Variants in PCYOX1 observed in about 807,000 individuals in gnomAD.
PCYOX1 encodes prenylcysteine lyase.
A neutral mutation model predicts 46.4 loss-of-function variants in PCYOX1; 46 were observed. The ratio of observed to expected loss-of-function variants is 0.99; its 90% CI spans 0.78 to 1.27. The LOEUF (loss-of-function observed/expected upper bound fraction) is 1.27, where lower values mean the gene tolerates loss of function less well. PCYOX1 is among the 50% of genes most tolerant of loss of function. PCYOX1 has a pLI of 0.00. For missense variants in PCYOX1, 658 were observed against 628.3 expected, an observed-to-expected ratio of 1.05 and a Z score of -0.51; for synonymous variants, 220 against 231.8, an observed-to-expected ratio of 0.95 and a Z score of 0.46.
intron 1 of PCYOX1, 132 bp from the exon 2 acceptor site, chr2:70,259,228 A>G (rs1696394207): frequency 3.9e-6 from 3 of 766,164 alleles, no homozygotes; most frequent in Non-Finnish European, 6.7e-6. Context: ...TGCAGGTGTC[A>G]CTCTTCCCCC....
intron 3 of PCYOX1, among the ~76,000 whole-genome samples, chr2:70,266,461 C>CT (rs1282041068): frequency 4.9e-4 from 71 of 146,288 alleles, no homozygotes; most frequent in South Asian, 8.7e-4. Flanking sequence ...AAGATTATAA[C>CT]TTTTTTTTTT....
chr2:70,275,532 G>C lies in PCYOX1; in HGVS notation c.725G>C (p.Cys242Ser). 1 of 1,614,146 alleles carries C rather than the reference G, an allele frequency of 6.2e-7. No homozygotes were observed. The highest frequency in any genetic ancestry group is 1.3e-5 in the African/African-American group (1 of 75,036). Residue 242 changes from cysteine to serine, a missense_variant, in exon 5 of 6, where the codon TGT becomes TCT. Physicochemically the swap from Cys to Ser is moderately radical, Grantham distance 112. Coordinates refer to ENST00000433351, the MANE Select transcript of PCYOX1 (RefSeq NM_016297.4). ...TTGACAGGGGCGGTGTCACTGTCCT[G>C]TTCTGATTCTGGCCTTTGGGCAGTA... ...NAFVGAVSLSCSDSGLWAVEG... is the reference protein window; with the variant it reads ...NAFVGAVSLSSSDSGLWAVEG...
Position 70,277,570 on chromosome 2 carries a change from A to G in PCYOX1, c.*178A>G. Reference sequence around the variant, plus strand: ...TCTAATTAAGTGTGAAGGTATAGCTATTGCACTTATGCCATCTCCAAAATT... The same window carrying G: ...TCTAATTAAGTGTGAAGGTATAGCTGTTGCACTTATGCCATCTCCAAAATT... On this transcript the variant is annotated 3_prime_UTR_variant, in exon 6 of 6. Coordinates refer to ENST00000433351, the MANE Select transcript of PCYOX1 (RefSeq NM_016297.4). The G allele has an allele frequency of 1.8e-6, 1 of 549,506 alleles. No homozygotes were observed. Among genetic ancestry groups the G allele is most frequent in the Non-Finnish European group, 3.2e-6 (1 of 313,418 alleles). The allele number at this position is 549,506 out of a possible 1,614,324, so 34.0% of individuals were successfully genotyped here. A position where few individuals can be genotyped will look rare whatever the true frequency, so the allele number is the denominator to read the frequency against.
intron 3 of PCYOX1, among the ~76,000 whole-genome samples, chr2:70,268,044 C>T (rs918488771): frequency 4.6e-5 from 7 of 151,902 alleles, no homozygotes; most frequent in East Asian, 3.9e-4. Context: ...CTCCTGACCT[C>T]GTGATCCACC....
intron 2 of PCYOX1, among the ~76,000 whole-genome samples, chr2:70,260,371 C>A (rs938552124): frequency 6.6e-6 from 1 of 152,166 alleles, no homozygotes; most frequent in Non-Finnish European, 1.5e-5. Flanking sequence ...TAGTGAGATC[C>A]TGTCTTTACT....
At chr2:70,260,982 A>G (rs1696427516) in intron 2 of PCYOX1, among the ~76,000 whole-genome samples, 1 of 152,204 alleles carries the variant, frequency 6.6e-6, no homozygotes, top group Admixed American at 6.5e-5. Flanking sequence ...GCCAGGTAAA[A>G]ATATATCTAC....
intron 3 of PCYOX1, among the ~76,000 whole-genome samples, chr2:70,266,274 G>T (rs1001488723): frequency 3.7e-4 from 56 of 152,144 alleles, no homozygotes; most frequent in African/African-American, 1.3e-3. Flanking sequence ...ATGATGGAAG[G>T]AAGAGATTGG....
chr2:70,272,069 C>T (rs1333917591), intron 3 of PCYOX1, among the ~76,000 whole-genome samples: 1 of 151,840 alleles, frequency 6.6e-6, no homozygotes, highest in Non-Finnish European at 1.5e-5. Context: ...TTTTTCCAAC[C>T]TCCTGTGGAT....
In PCYOX1 at chr2:70,278,230, A is replaced by G. The variant is rs1226062911; in HGVS notation, c.*838A>G. On this transcript the variant is annotated 3_prime_UTR_variant, in exon 6 of 6. Coordinates refer to ENST00000433351, the MANE Select transcript of PCYOX1 (RefSeq NM_016297.4). ...TAAATCCTCACTTCAGGAGCTTTTA[A>G]AAATACTGAGACCCCCCCATAACCA... 6.6e-6 allele frequency: 1 copy of G among 152,650 alleles called. No homozygotes were observed. Among genetic ancestry groups the G allele is most frequent in the Non-Finnish European group, 1.5e-5 (1 of 68,048 alleles). The allele number at this position is 152,650 out of a possible 1,614,324, so 9.5% of individuals were successfully genotyped here. A position where few individuals can be genotyped will look rare whatever the true frequency, so the allele number is the denominator to read the frequency against.
rs528046206 is a variant in PCYOX1 at position 70,269,185 on chromosome 2, T to A, written c.495-5774T>A. 1.6e-4 allele frequency among the ~76,000 whole-genome samples: 25 copies of A among 151,638 alleles called. No individual in the cohort carries two copies. The South Asian group carries it at 2.1e-3, about 13-fold the overall frequency. On this transcript the variant is annotated intron_variant, in intron 3 of 5. Coordinates refer to ENST00000433351, the MANE Select transcript of PCYOX1 (RefSeq NM_016297.4). ...TTCAAGGATCTGTGTGTCTGTTTTT[T>A]TTTTTTTTTCAGATGATGTTTTACT...
In PCYOX1 at chr2:70,266,940, G is replaced by A. The variant is rs561122925; in HGVS notation, c.494+5554G>A. On this transcript the variant is annotated intron_variant, in intron 3 of 5. Coordinates refer to ENST00000433351, the MANE Select transcript of PCYOX1 (RefSeq NM_016297.4). ...TCCCCCACTTCTATTCGACAAAACT[G>A]CCATCGTCATCATGGCCCGTTCTCA... 6.6e-3 allele frequency among the ~76,000 whole-genome samples: 998 copies of A among 152,196 alleles called. 11 individuals are homozygous for A. Among genetic ancestry groups the A allele is most frequent in the African/African-American group, 0.023 (953 of 41,528 alleles).
chr2:70,271,154 A>G (rs1696595412), intron 3 of PCYOX1, among the ~76,000 whole-genome samples: 2 of 152,022 alleles, frequency 1.3e-5, no homozygotes, highest in African/African-American at 4.8e-5. Context: ...TGCAGCCTCA[A>G]CCAGCGGGGC....
intron 3 of PCYOX1, among the ~76,000 whole-genome samples, chr2:70,269,179 GT>G (rs200396144): frequency 1.5e-3 from 194 of 128,246 alleles, no homozygotes; most frequent in African/African-American, 3.9e-3. Flanking sequence ...CTGTGTGTCT[GT>G]TTTTTTTTTT....
chr2:70,261,150 T>G, intron 2 of PCYOX1, 62 bp from the exon 3 acceptor site: 1 of 1,082,448 alleles, frequency 9.2e-7, no homozygotes, highest in Non-Finnish European at 1.4e-6. Context: ...TCACTCAGAT[T>G]ACGTTCTTTC....
At chr2:70,265,526 T>C (rs1294815053) in intron 3 of PCYOX1, among the ~76,000 whole-genome samples, 1 of 152,152 alleles carries the variant, frequency 6.6e-6, no homozygotes, top group Non-Finnish European at 1.5e-5. Context: ...CAACCTCTTA[T>C]CTCACTTTTT....
At position 70,280,781 on chromosome 2, in the gene PCYOX1, G is replaced by A. The variant is rs1421309705; in HGVS notation, c.*3389G>A. 6.6e-6 allele frequency: 1 copy of A among 152,182 alleles called. No homozygotes were observed. The highest frequency in any genetic ancestry group is 1.5e-5 in the Non-Finnish European group (1 of 68,038). 9.4% of individuals were successfully genotyped at this position (152,182 alleles called of 1,614,324 possible). A position where few individuals can be genotyped will look rare whatever the true frequency, so the allele number is the denominator to read the frequency against. On this transcript the variant is annotated 3_prime_UTR_variant, in exon 6 of 6. Transcript: ENST00000433351. ...TCTATAATTAGGAAATGCCATTTAA[G>A]AGTGAGAGAGGTATATATCTATGAG...
In PCYOX1 at chr2:70,261,507, T is replaced by C. The variant is rs139610164; in HGVS notation, c.494+121T>C. ...TCTACCTCACAGCAAGGCCTGTTTA[T>C]AACATTGTTAGGCAAAATGTTTTGT... is the stretch of plus-strand genomic sequence containing the variant. On this transcript the variant is annotated intron_variant, in intron 3 of 5. Transcript: ENST00000433351. 229 of 662,930 alleles carry C rather than the reference T, an allele frequency of 3.5e-4. 1 individual carries two copies. In the African/African-American group the frequency reaches 3.7e-3, roughly 11 times the overall value. The allele number at this position is 662,930 out of a possible 1,614,324, so 41.1% of individuals were successfully genotyped here. A position where few individuals can be genotyped will look rare whatever the true frequency, so the allele number is the denominator to read the frequency against.
intron 3 of PCYOX1, among the ~76,000 whole-genome samples, chr2:70,271,291 GCAGCAAGTTCTGTGTTGGCTT>G (rs1282022339): frequency 1.4e-5 from 2 of 144,006 alleles, no homozygotes; most frequent in African/African-American, 5.1e-5. Flanking sequence ...AAAAAACACA[GCAGCAAGTTCTGTGTTGGCTT>G]CAATGAGACC....
intron 1 of PCYOX1, among the ~76,000 whole-genome samples, chr2:70,258,659 G>T (rs981409477): frequency 9.8e-5 from 15 of 152,310 alleles, no homozygotes; most frequent in Admixed American, 2.6e-4. Flanking sequence ...GACCTGGGGC[G>T]CCCGGCCAGA....
Sources: gnomAD v4.1 joint callset for allele counts (sites outside exome capture counted in the v4.1 genomes callset) on GRCh38, gnomAD v4.1.1 for gene constraint, MANE v1.5 for transcripts, NCBI Gene and HGNC (gene_info 2026-07-23, HGNC 2026-07-21) for gene names.